MEIKIN: variants seen among roughly 807,000 people sequenced by gnomAD.
MEIKIN encodes meiotic kinetochore factor.
At chr5:131,922,103 T>C (rs550649222) in intron 5 of MEIKIN, among the ~76,000 whole-genome samples, 162 bp from the exon 6 acceptor site, 7 of 152,314 alleles carry the variant, frequency 4.6e-5, no homozygotes, top group African/African-American at 7.2e-5. Context: ...TGGATCAATA[T>C]AGTAAATAAT....
At chr5:131,841,162 T>C (rs1749901516) in intron 11 of MEIKIN, among the ~76,000 whole-genome samples, 1 of 152,206 alleles carries the variant, frequency 6.6e-6, no homozygotes, top group African/African-American at 2.4e-5. Context: ...TCTGAGGGAC[T>C]TGTACTGGGC....
chr5:131,855,868 G>C (rs1386609023), intron 9 of MEIKIN, among the ~76,000 whole-genome samples: 2 of 152,142 alleles, frequency 1.3e-5, no homozygotes, highest in Non-Finnish European at 2.9e-5. Context: ...GAAAGTAAGA[G>C]TGATAGTCAA....
At chr5:131,834,464 T>C (rs1367991203) in intron 11 of MEIKIN, among the ~76,000 whole-genome samples, 1 of 152,216 alleles carries the variant, frequency 6.6e-6, no homozygotes, top group Non-Finnish European at 1.5e-5. Context: ...TAAAAGTTGG[T>C]ACCCTTTGAC....
intron 8 of MEIKIN, among the ~76,000 whole-genome samples, chr5:131,900,851 C>T (rs924951212): frequency 2.6e-5 from 4 of 152,164 alleles, no homozygotes; most frequent in African/African-American, 9.7e-5. Flanking sequence ...GGAGAGCAGA[C>T]ACTGTGGATG....
At chr5:131,894,680 T>G (rs1751002729) in intron 8 of MEIKIN, among the ~76,000 whole-genome samples, 2 of 152,208 alleles carry the variant, frequency 1.3e-5, no homozygotes. Flanking sequence ...GGGAGTTCAC[T>G]CATGATTTGG....
rs537129629 is a variant in MEIKIN, at chr5:131,876,221, G to A, written c.774+2757C>T. 2.6e-4 allele frequency among the ~76,000 whole-genome samples: 39 copies of A among 151,962 alleles called. No individual in the cohort carries two copies. The East Asian group carries it at 7.4e-3, about 29-fold the overall frequency. On this transcript the variant is annotated intron_variant, in intron 9 of 12. Coordinates refer to ENST00000442687, the MANE Select transcript of MEIKIN (RefSeq NM_001303622.2). Reference sequence around the variant, plus strand: ...GAGTGACCAGGCAACCTACAGAATGGAAGAAAAGTTTTGCAATCTACTCAT... The same window carrying A: ...GAGTGACCAGGCAACCTACAGAATGAAAGAAAAGTTTTGCAATCTACTCAT...
chr5:131,925,911 G>T (rs1351197317), intron 5 of MEIKIN, among the ~76,000 whole-genome samples: 1 of 152,092 alleles, frequency 6.6e-6, no homozygotes, highest in Non-Finnish European at 1.5e-5. Context: ...CATGTGATCT[G>T]CCCGCCTTGG....
chr5:131,886,973 C>T (rs1008029734), intron 8 of MEIKIN, among the ~76,000 whole-genome samples: 1 of 107,532 alleles, frequency 9.3e-6, no homozygotes, highest in South Asian at 3.7e-4. Context: ...CTAATGCTAT[C>T]CATCCCCCAG....
At chr5:131,942,774 T>C in intron 3 of MEIKIN, 79 bp from the exon 4 acceptor site, 2 of 393,910 alleles carry the variant, frequency 5.1e-6, no homozygotes, top group East Asian at 7.2e-5. Context: ...ACAGATTTAT[T>C]TTAGAAAAAT....
chr5:131,834,711 T>C (rs1278407415), intron 11 of MEIKIN, among the ~76,000 whole-genome samples: 3 of 152,236 alleles, frequency 2.0e-5, no homozygotes, highest in Non-Finnish European at 4.4e-5. Context: ...AATCTGTCAA[T>C]GGACACTTGT....
intron 5 of MEIKIN, among the ~76,000 whole-genome samples, chr5:131,933,270 TG>T (rs1751718982): frequency 6.6e-6 from 1 of 152,196 alleles, no homozygotes; most frequent in Non-Finnish European, 1.5e-5. Flanking sequence ...GATTAATAAT[TG>T]GATGTGTATT....
At chr5:131,815,594 T>C (rs1338304189) in intron 12 of MEIKIN, among the ~76,000 whole-genome samples, 2 of 152,218 alleles carry the variant, frequency 1.3e-5, no homozygotes, top group East Asian at 3.8e-4. Flanking sequence ...TTGGAGTCAA[T>C]AGGCTAAGAA....
At chr5:131,916,090 G>A (rs1003420293) in intron 7 of MEIKIN, among the ~76,000 whole-genome samples, 1 of 152,148 alleles carries the variant, frequency 6.6e-6, no homozygotes, top group African/African-American at 2.4e-5. Flanking sequence ...AATGCCAGAT[G>A]TCTAGTAGAT....
intron 4 of MEIKIN, among the ~76,000 whole-genome samples, chr5:131,941,721 C>G (rs1438270010): frequency 6.6e-6 from 1 of 152,180 alleles, no homozygotes; most frequent in Non-Finnish European, 1.5e-5. Flanking sequence ...GTTGATATTG[C>G]TACTTAGTCA....
At chr5:131,861,077 T>C (rs931347579) in intron 9 of MEIKIN, among the ~76,000 whole-genome samples, 6 of 151,896 alleles carry the variant, frequency 4.0e-5, no homozygotes, top group African/African-American at 1.4e-4. Context: ...AGTTTTTTGA[T>C]GGAGTCTTTT....
chr5:131,832,793 C>A (rs1258033970), intron 11 of MEIKIN, among the ~76,000 whole-genome samples: 1 of 152,248 alleles, frequency 6.6e-6, no homozygotes, highest in Non-Finnish European at 1.5e-5. Context: ...GAAGCCATGG[C>A]CCAAGCTCTG....
intron 8 of MEIKIN, among the ~76,000 whole-genome samples, chr5:131,880,485 G>A (rs1184687717): frequency 6.6e-6 from 1 of 151,292 alleles, no homozygotes; most frequent in African/African-American, 2.4e-5. Context: ...CAAGTGATCC[G>A]CCTGCCTCGG....
At chr5:131,906,026 T>C (rs1258833318) in intron 8 of MEIKIN, among the ~76,000 whole-genome samples, 1 of 152,000 alleles carries the variant, frequency 6.6e-6, no homozygotes, top group African/African-American at 2.4e-5. Flanking sequence ...AAATGACAAA[T>C]GGGACCCAAT....
chr5:131,920,293 GTTC>G (rs778813915), intron 6 of MEIKIN, among the ~76,000 whole-genome samples: 1 of 152,112 alleles, frequency 6.6e-6, no homozygotes, highest in East Asian at 1.9e-4. Context: ...AAAAGAGAAA[GTTC>G]TTCTTTTACA....
Sources: gnomAD v4.1 joint callset for allele counts (sites outside exome capture counted in the v4.1 genomes callset) on GRCh38, gnomAD v4.1.1 for gene constraint, MANE v1.5 for transcripts, NCBI Gene and HGNC (gene_info 2026-07-23, HGNC 2026-07-21) for gene names.